Variants in MTMR7 observed in about 807,000 individuals in gnomAD.
The protein encoded by MTMR7 is myotubularin related protein 7.
Under a neutral mutation model 81.2 loss-of-function variants are expected in MTMR7, and 76 were observed. The observed-to-expected ratio is 0.94, with a 90% CI of 0.78 to 1.13. MTMR7 has a LOEUF of 1.13. Among genes scored for constraint, MTMR7 ranks in the 50% most tolerant of loss-of-function variants. MTMR7 has a pLI of 0.00. For synonymous variants in MTMR7, 372 were observed against 289.8 expected, an observed-to-expected ratio of 1.28 and a Z score of -2.88; for missense variants, 1,044 against 820.0, an observed-to-expected ratio of 1.27 and a Z score of -3.34.
chr8:17,322,448 C>A (rs149395306), intron 7 of MTMR7, among the ~76,000 whole-genome samples: 24 of 152,198 alleles, frequency 1.6e-4, no homozygotes, highest in Admixed American at 3.3e-4. Context: ...ATCATGGTAA[C>A]CTGTACTATC....
chr8:17,393,241 GGAC>G (rs1281743244), intron 1 of MTMR7, among the ~76,000 whole-genome samples: 1 of 152,094 alleles, frequency 6.6e-6, no homozygotes, highest in Non-Finnish European at 1.5e-5. Flanking sequence ...CAATGCATTT[GGAC>G]CTCTATCTCA....
chr8:17,385,934 G>A (rs922100952), intron 1 of MTMR7, among the ~76,000 whole-genome samples: 1 of 152,188 alleles, frequency 6.6e-6, no homozygotes, highest in Non-Finnish European at 1.5e-5. Flanking sequence ...TGGCCTAATA[G>A]TCAATACAAT....
intron 4 of MTMR7, among the ~76,000 whole-genome samples, chr8:17,358,886 A>T (rs1205988879): frequency 6.6e-6 from 1 of 152,188 alleles, no homozygotes; most frequent in Non-Finnish European, 1.5e-5. Context: ...AAGTCTAAAT[A>T]ATCTAAAAGC....
At chr8:17,364,933 A>T (rs1422835391) in intron 3 of MTMR7, among the ~76,000 whole-genome samples, 4 of 152,208 alleles carry the variant, frequency 2.6e-5, no homozygotes, top group African/African-American at 9.7e-5. Flanking sequence ...AAGCACTCAA[A>T]AGTGGGATTG....
chr8:17,374,344 C>T (rs565545306), intron 1 of MTMR7, among the ~76,000 whole-genome samples: 103 of 152,204 alleles, frequency 6.8e-4, no homozygotes, highest in Middle Eastern at 6.8e-3. Flanking sequence ...AAAAATTGGC[C>T]GGGAGCGGTG....
intron 1 of MTMR7, among the ~76,000 whole-genome samples, chr8:17,390,954 C>G (rs906836689): frequency 2.0e-5 from 3 of 152,208 alleles, no homozygotes; most frequent in Non-Finnish European, 1.5e-5. Flanking sequence ...CAGAGCCAGA[C>G]CATATCAGGT....
rs1226583826 is a variant in MTMR7, at chr8:17,302,274, C to G, written c.1500G>C (p.Trp500Cys). ...TTPCNFMYKFWSGMYNRFEKG... is the reference protein window; with the variant it reads ...TTPCNFMYKFCSGMYNRFEKG... ...TTTCAAAGCGGTTATACATTCCACT[C>G]CAAAACCTGGAAAGGATGGCAAAGC... Residue 500 changes from tryptophan to cysteine, a missense_variant, in exon 13 of 14, where the codon TGG (tryptophan) becomes TGC (cysteine). Trp to Cys is a radical substitution (Grantham distance 215). Transcript: ENST00000180173. 1.2e-6 allele frequency: 2 copies of G among 1,612,850 alleles called. No homozygotes were observed. Among genetic ancestry groups the G allele is most frequent in the South Asian group, 1.1e-5 (1 of 90,846 alleles).
chr8:17,314,412 TTTC>T (rs1345103002), intron 7 of MTMR7, among the ~76,000 whole-genome samples: 1 of 152,194 alleles, frequency 6.6e-6, no homozygotes, highest in Admixed American at 6.5e-5. Context: ...TGAGCCTCAA[TTTC>T]TTCATTTTTA....
rs375044073 is a variant in MTMR7 at position 17,404,858 on chromosome 8, C to T, written c.24+8411G>A. ...TTTGTTTTGTTGAGACGGAGTCTTG[C>T]TCTGTAGCCCAAGCTGGAGTGCAGC... On this transcript the variant is annotated intron_variant, in intron 1 of 13. Transcript: ENST00000180173. 9.9e-5 allele frequency among the ~76,000 whole-genome samples: 15 copies of T among 152,256 alleles called. No homozygotes were observed. In the East Asian group the frequency reaches 1.2e-3, roughly 12 times the overall value.
At chr8:17,304,292 G>GT in intron 12 of MTMR7, 87 bp downstream of exon 12, 1 of 1,440,578 alleles carries the variant, frequency 6.9e-7, no homozygotes, top group Non-Finnish European at 9.6e-7. Context: ...TCAAAGATCA[G>GT]TGTCATACAC....
intron 4 of MTMR7, among the ~76,000 whole-genome samples, chr8:17,350,512 C>T (rs954325655): frequency 2.0e-5 from 3 of 152,140 alleles, no homozygotes; most frequent in African/African-American, 7.2e-5. Flanking sequence ...CTCCCATGAT[C>T]CAATTACCTC....
At chr8:17,400,525 G>C (rs1821396355) in intron 1 of MTMR7, among the ~76,000 whole-genome samples, 1 of 152,142 alleles carries the variant, frequency 6.6e-6, no homozygotes, top group Non-Finnish European at 1.5e-5. Flanking sequence ...GGAGTCCTGT[G>C]TGCTTCCCTG....
At chr8:17,321,067 G>A (rs908008150) in intron 7 of MTMR7, among the ~76,000 whole-genome samples, 4 of 152,006 alleles carry the variant, frequency 2.6e-5, no homozygotes, top group African/African-American at 7.3e-5. Context: ...TAGCATTCTC[G>A]TTGATTATAA....
At chr8:17,402,954 C>T (rs1016046190) in intron 1 of MTMR7, among the ~76,000 whole-genome samples, 5 of 152,166 alleles carry the variant, frequency 3.3e-5, no homozygotes, top group African/African-American at 1.2e-4. Context: ...TGGGGTGATA[C>T]AGTATCTCAC....
intron 6 of MTMR7, among the ~76,000 whole-genome samples, chr8:17,335,858 C>T (rs1292393982): frequency 2.0e-5 from 3 of 152,178 alleles, no homozygotes; most frequent in African/African-American, 4.8e-5. Context: ...ATTCCAGTCC[C>T]GTATGTGACG....
intron 1 of MTMR7, among the ~76,000 whole-genome samples, chr8:17,381,476 T>C (rs1055675193): frequency 2.0e-5 from 3 of 152,086 alleles, no homozygotes; most frequent in Non-Finnish European, 4.4e-5. Flanking sequence ...AGGTCAAATA[T>C]TGAAGTGCTG....
chr8:17,322,800 G>C (rs571363839), intron 7 of MTMR7, among the ~76,000 whole-genome samples: 2 of 151,374 alleles, frequency 1.3e-5, no homozygotes, highest in South Asian at 4.2e-4. Context: ...ACTTCAGCCT[G>C]GACAACACAG....
chr8:17,364,941 T>C (rs1183036980), intron 3 of MTMR7, among the ~76,000 whole-genome samples: 1 of 152,244 alleles, frequency 6.6e-6, no homozygotes, highest in African/African-American at 2.4e-5. Flanking sequence ...AAAAGTGGGA[T>C]TGTGGAATCA....
chr8:17,327,049 G>T (rs934853729), intron 7 of MTMR7, among the ~76,000 whole-genome samples: 5 of 152,140 alleles, frequency 3.3e-5, no homozygotes, highest in Non-Finnish European at 2.9e-5. Context: ...TAGTGAATAA[G>T]AATATGCAAG....
Sources: gnomAD v4.1 joint callset for allele counts (sites outside exome capture counted in the v4.1 genomes callset) on GRCh38, gnomAD v4.1.1 for gene constraint, MANE v1.5 for transcripts, NCBI Gene and HGNC (gene_info 2026-07-23, HGNC 2026-07-21) for gene names.